The following DMKN variants were observed in gnomAD, a reference collection of about 807,000 sequenced individuals.
The protein encoded by DMKN is dermokine.
In DMKN, 58 loss-of-function variants were observed where a neutral mutation model predicts 67.6. That is an observed-to-expected ratio of 0.86 (90% CI 0.69 to 1.07). The LOEUF (loss-of-function observed/expected upper bound fraction) is 1.07. Among genes scored for constraint, DMKN ranks in the 50% least tolerant of loss-of-function variants. DMKN has a pLI of 0.00. For synonymous variants in DMKN, 240 were observed against 232.3 expected, an observed-to-expected ratio of 1.03 and a Z score of -0.30; for missense variants, 596 against 601.5, an observed-to-expected ratio of 0.99 and a Z score of 0.10.
chr19:35,498,294 C>A lies in DMKN; in HGVS notation c.*422G>T, dbSNP rs2067779536. The A allele has an allele frequency of 2.0e-5, 4 of 202,470 alleles. No individual in the cohort carries two copies. In the South Asian group the frequency reaches 3.3e-4, roughly 17 times the overall value. 12.5% of individuals were successfully genotyped at this position (202,470 alleles called of 1,614,324 possible). A position where few individuals can be genotyped will look rare whatever the true frequency, so the allele number is the denominator to read the frequency against. ...GGGATTACAATCATGCACCACCTCA[C>A]CTGGCTAATTTTTTGTATTTTTAGT... On this transcript the variant is annotated intron_variant, in intron 15 of 15. Coordinates refer to ENST00000339686, the MANE Select transcript of DMKN (RefSeq NM_033317.5).
intron 7 of DMKN, chr19:35,507,571 G>A (rs1194908700): frequency 1.4e-5 from 20 of 1,443,700 alleles, no homozygotes; most frequent in Middle Eastern, 3.7e-4. Flanking sequence ...GGGGACGAGA[G>A]GGCAAGGAAG....
Position 35,512,466 on chromosome 19 carries a change from G to A in DMKN, c.639C>T (p.Ala213=). ...CTCTCACTGAACCATAGCCAGGCTG[G>A]GCCACAGCTCCCTGCAGAGAGGGTG... ...NFGTNTQGAV[A]QPGYGSVRAS... Residue 213 remains alanine (A), a synonymous_variant, in exon 3 of 16, where the codon GCC becomes GCT. Coordinates refer to ENST00000339686, the MANE Select transcript of DMKN (RefSeq NM_033317.5). 3.1e-6 allele frequency: 5 copies of A among 1,614,140 alleles called. No homozygotes were observed. Among genetic ancestry groups the A allele is most frequent in the Non-Finnish European group, 4.2e-6 (5 of 1,180,024 alleles).
rs140071083 is a variant in DMKN at position 35,511,499 on chromosome 19, C to T, written c.830G>A (p.Ser277Asn). Residue 277 changes from serine to asparagine, a missense_variant, in exon 5 of 16, where the codon AGC becomes AAC. Physicochemically the swap from Ser to Asn is conservative, Grantham distance 46 (BLOSUM62 1). Coordinates refer to ENST00000339686, the MANE Select transcript of DMKN (RefSeq NM_033317.5). ...GCTGCCGCCACTGCTGCCGCCACTG[C>T]TGCTGCCACTGCTGCTGCCACCACT... ...SSSGGSSSGS[S>N]SGGSSGGSSG... 10 of 1,079,840 alleles carry T rather than the reference C, an allele frequency of 9.3e-6. No individual in the cohort carries two copies. Among genetic ancestry groups the T allele is most frequent in the Middle Eastern group, 3.3e-4 (1 of 3,072 alleles). The allele number at this position is 1,079,840 out of a possible 1,614,324, so 66.9% of individuals were successfully genotyped here. A position where few individuals can be genotyped will look rare whatever the true frequency, so the allele number is the denominator to read the frequency against.
chr19:35,510,701 G>A (rs1401606853), intron 5 of DMKN, among the ~76,000 whole-genome samples: 2 of 152,144 alleles, frequency 1.3e-5, no homozygotes, highest in African/African-American at 2.4e-5. Context: ...CAGGTTATTC[G>A]GCTTATTGTG....
At chr19:35,507,369 A>G (rs2069771159) in intron 7 of DMKN, 1 of 1,336,294 alleles carries the variant, frequency 7.5e-7, no homozygotes, top group South Asian at 1.3e-5. Context: ...TTGCAAGAAG[A>G]AACTGATATT....
At chr19:35,501,115 A>AC (rs113521227) in intron 11 of DMKN, among the ~76,000 whole-genome samples, 2,265 of 151,478 alleles carry the variant, frequency 0.015, 27 homozygotes, top group African/African-American at 0.024. Flanking sequence ...TGCACCGGAC[A>AC]CCCCCCCCAG....
In DMKN at chr19:35,498,033, T is replaced by G. The variant is rs1266296967; in HGVS notation, c.*1-495A>C. The G allele has an allele frequency of 2.0e-5, 3 of 152,882 alleles. No homozygotes were observed. In the East Asian group the frequency reaches 5.8e-4, roughly 29 times the overall value. The allele number at this position is 152,882 out of a possible 1,614,324, so 9.5% of individuals were successfully genotyped here. A position where few individuals can be genotyped will look rare whatever the true frequency, so the allele number is the denominator to read the frequency against. On this transcript the variant is annotated intron_variant, in intron 15 of 15. Transcript: ENST00000339686. ...GTGCAATGGTGTGATCATAGCTCACTGCAGTTTTGAACTCCTGGGCTCAAG... is the reference window on the plus strand; with the variant it reads ...GTGCAATGGTGTGATCATAGCTCACGGCAGTTTTGAACTCCTGGGCTCAAG...
At chr19:35,504,522 G>A (rs958546623) in intron 9 of DMKN, among the ~76,000 whole-genome samples, 1 of 146,402 alleles carries the variant, frequency 6.8e-6, no homozygotes, top group African/African-American at 2.6e-5. Flanking sequence ...AGGCTGCATT[G>A]AGCTGAGATC....
chr19:35,510,084 C>G (rs2070440650), intron 6 of DMKN, 100 bp downstream of exon 6: 10 of 1,569,068 alleles, frequency 6.4e-6, no homozygotes, highest in African/African-American at 1.4e-5. Context: ...GCCATCCAGC[C>G]CCATCTCCGC....
chr19:35,511,735 A>G, intron 4 of DMKN, 28 bp downstream of exon 4: 1 of 1,607,240 alleles, frequency 6.2e-7, no homozygotes, highest in East Asian at 2.2e-5. Context: ...CCTGGTGCAC[A>G]ACTCCTGGGT....
rs556863512 is a variant in DMKN, at chr19:35,502,949, C to T, written c.1135-63G>A. 12 of 1,515,604 alleles carry T rather than the reference C, an allele frequency of 7.9e-6. No homozygotes were observed. In the Admixed American group the frequency reaches 2.0e-4, roughly 25 times the overall value. 93.9% of individuals were successfully genotyped at this position (1,515,604 alleles called of 1,614,324 possible). A position where few individuals can be genotyped will look rare whatever the true frequency, so the allele number is the denominator to read the frequency against. Reference sequence around the variant, plus strand: ...CTGGGCCCACTCACCCACCCCTCCTCCTGCTACTGCCCTATCTCAACCTTC... The same window carrying T: ...CTGGGCCCACTCACCCACCCCTCCTTCTGCTACTGCCCTATCTCAACCTTC... On this transcript the variant is annotated intron_variant, in intron 9 of 15. Coordinates refer to ENST00000339686, the MANE Select transcript of DMKN (RefSeq NM_033317.5).
chr19:35,508,266 G>C, intron 7 of DMKN: 1 of 1,551,664 alleles, frequency 6.4e-7, no homozygotes, highest in Non-Finnish European at 8.7e-7. Flanking sequence ...AAGAAACACA[G>C]ACCCCTGCTG....
In DMKN at chr19:35,513,620, C is replaced by G. The variant is rs1312411237; in HGVS notation, c.-145G>C. ...CCTCCCTCTGGGTCTGCAGCCTTCT[C>G]TCTCCTGTCCTCAACTGCCTGGGCT... On this transcript the variant is annotated 5_prime_UTR_variant, in exon 1 of 16. Transcript: ENST00000339686. 3 of 1,020,276 alleles carry G rather than the reference C, an allele frequency of 2.9e-6. No homozygotes were observed. Among genetic ancestry groups the G allele is most frequent in the Middle Eastern group, 3.2e-4 (1 of 3,150 alleles). The allele number at this position is 1,020,276 out of a possible 1,614,324, so 63.2% of individuals were successfully genotyped here.
In DMKN at chr19:35,500,556, TC is replaced by T; in HGVS notation, c.1263del (p.Lys422AsnfsTer52). The part of the protein sequence containing the change: ...IIEGADASSL[Q>X]KRAGRDDQNY... ...ACCTGATCGTCTCTGCCTGCACGTT[TC>T]TGCAGTGATGACGCGTCCGCACCCT... On this transcript the variant is annotated frameshift_variant, in exon 12 of 16. Transcript: ENST00000339686. LOFTEE classifies it high-confidence loss of function. The T allele has an allele frequency of 6.2e-7, 1 of 1,612,742 alleles. No individual in the cohort carries two copies.
chr19:35,505,870 G>A (rs2069390168), intron 8 of DMKN, 69 bp downstream of exon 8: 5 of 1,613,070 alleles, frequency 3.1e-6, no homozygotes, highest in African/African-American at 1.3e-5. Flanking sequence ...GAGGACCCCA[G>A]ACTGTGGGGC....
intron 9 of DMKN, among the ~76,000 whole-genome samples, chr19:35,505,419 C>G (rs2069267884): frequency 6.6e-6 from 1 of 152,154 alleles, no homozygotes; most frequent in Admixed American, 6.5e-5. Context: ...CTACTCTCCC[C>G]TTAACCTTCC....
At chr19:35,508,815 T>C (rs1253114035) in intron 7 of DMKN, among the ~76,000 whole-genome samples, 1 of 152,302 alleles carries the variant, frequency 6.6e-6, no homozygotes, top group African/African-American at 2.4e-5. Flanking sequence ...GGAGTATGCA[T>C]AGTGCTAGAA....
chr19:35,502,126 C>T lies in DMKN; in HGVS notation c.1239+10G>A. 6.2e-7 allele frequency: 1 copy of T among 1,613,254 alleles called. No individual in the cohort carries two copies. Among genetic ancestry groups the T allele is most frequent in the East Asian group, 2.2e-5 (1 of 44,874 alleles). ...TGTGTCCCAGAGCTGAGAAGTCCTG[C>T]CCCCCTTACCTCAATAATTGCTTTC... On this transcript the variant is annotated intron_variant, in intron 11 of 15. Coordinates refer to ENST00000339686, the MANE Select transcript of DMKN (RefSeq NM_033317.5).
rs2146214419 is a variant in DMKN at position 35,511,474 on chromosome 19, GC to G, written c.854del (p.Ser285ThrfsTer92). 4.3e-6 allele frequency: 4 copies of G among 934,740 alleles called. No homozygotes were observed. Among genetic ancestry groups the G allele is most frequent in the African/African-American group, 2.2e-5 (1 of 44,946 alleles). The allele number at this position is 934,740 out of a possible 1,614,324, so 57.9% of individuals were successfully genotyped here. A position where few individuals can be genotyped will look rare whatever the true frequency, so the allele number is the denominator to read the frequency against. On this transcript the variant is annotated frameshift_variant, in exon 5 of 16. Transcript: ENST00000339686. LOFTEE classifies it high-confidence loss of function. ...GSSSGGSSGG[S>X]SGGSSGNSGG... ...CACTGTTGCCACTGCTGCCACCACT[GC>G]TGCCGCCACTGCTGCCGCCACTGCT... is the stretch of plus-strand genomic sequence containing the variant.
Sources: gnomAD v4.1 joint callset for allele counts (sites outside exome capture counted in the v4.1 genomes callset) on GRCh38, gnomAD v4.1.1 for gene constraint, MANE v1.5 for transcripts, NCBI Gene and HGNC (gene_info 2026-07-23, HGNC 2026-07-21) for gene names.